The following CTNND2 variants were observed in gnomAD, a reference collection of about 807,000 sequenced individuals.
The protein encoded by CTNND2 is catenin delta-2.
In CTNND2, 22 loss-of-function variants were observed where a neutral mutation model predicts 144.4. That is an observed-to-expected ratio of 0.15 (90% CI 0.11 to 0.22). The LOEUF (loss-of-function observed/expected upper bound fraction) is 0.22. Among genes scored for constraint, CTNND2 ranks in the 10% least tolerant of loss-of-function variants. The pLI, the probability that CTNND2 is intolerant of heterozygous loss-of-function variation, is 1.00. For missense variants in CTNND2, 1,353 were observed against 1,618.8 expected (o/e 0.84, Z 2.82); for synonymous variants, 751 against 695.6 (o/e 1.08, Z -1.25).
intron 9 of CTNND2, among the ~76,000 whole-genome samples, chr5:11,296,127 A>C (rs1247782331): frequency 6.7e-6 from 1 of 149,724 alleles, no homozygotes; most frequent in East Asian, 1.9e-4. Flanking sequence ...AACTCAAACA[A>C]ATTTACAAGA....
At chr5:11,481,355 C>T (rs1768247021) in intron 3 of CTNND2, among the ~76,000 whole-genome samples, 1 of 152,178 alleles carries the variant, frequency 6.6e-6, no homozygotes, top group Non-Finnish European at 1.5e-5. Context: ...CAATCTCACC[C>T]TAATCCTGGC....
intron 1 of CTNND2, among the ~76,000 whole-genome samples, chr5:11,848,712 C>T (rs1283837039): frequency 6.6e-6 from 1 of 152,148 alleles, no homozygotes. Context: ...TAGAGAGCTT[C>T]TATACACATA....
At chr5:11,676,779 C>T (rs1784197114) in intron 2 of CTNND2, among the ~76,000 whole-genome samples, 1 of 152,154 alleles carries the variant, frequency 6.6e-6, no homozygotes, top group Non-Finnish European at 1.5e-5. Flanking sequence ...TTACGTTCTA[C>T]TGCAGTTCTC....
chr5:11,361,951 C>T (rs1756494849), intron 8 of CTNND2, among the ~76,000 whole-genome samples: 1 of 152,202 alleles, frequency 6.6e-6, no homozygotes, highest in African/African-American at 2.4e-5. Flanking sequence ...AAGACCTCCA[C>T]CTGGTGGTCT....
chr5:11,879,362 T>TATATATATATATATATATATACACAC (rs1735847247), intron 1 of CTNND2, among the ~76,000 whole-genome samples: 1 of 137,200 alleles, frequency 7.3e-6, no homozygotes, highest in Non-Finnish European at 1.6e-5. Flanking sequence ...TATATACATA[T>TATATATATATATATATATATACACAC]ACACACACAC....
chr5:11,461,162 G>GT (rs930816940), intron 3 of CTNND2, among the ~76,000 whole-genome samples: 16 of 151,120 alleles, frequency 1.1e-4, no homozygotes, highest in African/African-American at 3.6e-4. Flanking sequence ...CAGGGACTTT[G>GT]TTTTTTTTTA....
chr5:10,975,160 G>A (rs1736292125), intron 21 of CTNND2, among the ~76,000 whole-genome samples: 1 of 152,192 alleles, frequency 6.6e-6, no homozygotes, highest in African/African-American at 2.4e-5. Flanking sequence ...GGACTGCGTT[G>A]CTAGGTTGGG....
At chr5:11,360,164 T>C (rs761656164) in intron 8 of CTNND2, among the ~76,000 whole-genome samples, 8 of 152,114 alleles carry the variant, frequency 5.3e-5, no homozygotes, top group Non-Finnish European at 7.3e-5. Flanking sequence ...GGATTACTTA[T>C]GACAGCTAAG....
chr5:11,730,751 T>C (rs1787345296), intron 2 of CTNND2, among the ~76,000 whole-genome samples: 1 of 152,250 alleles, frequency 6.6e-6, no homozygotes, highest in Non-Finnish European at 1.5e-5. Flanking sequence ...CCATGCCTTT[T>C]TATTCATTCT....
intron 12 of CTNND2, among the ~76,000 whole-genome samples, chr5:11,118,057 G>C (rs557576064): frequency 2.9e-4 from 44 of 152,354 alleles, no homozygotes; most frequent in African/African-American, 9.6e-4. Context: ...ATAGTTAGAG[G>C]TTTCTGTGAC....
At chr5:11,154,335 C>T (rs13358276) in intron 12 of CTNND2, among the ~76,000 whole-genome samples, 54,461 of 152,074 alleles carry the variant, frequency 0.36, 10,463 homozygotes, top group Admixed American at 0.48. Context: ...ATTTCATGGC[C>T]ATCCAGTCAA....
intron 9 of CTNND2, among the ~76,000 whole-genome samples, chr5:11,329,743 C>A (rs1366635237): frequency 2.0e-5 from 3 of 151,968 alleles, no homozygotes; most frequent in Admixed American, 6.6e-5. Flanking sequence ...GAGGCAGAGA[C>A]CCACACTGCC....
At chr5:11,732,529 A>G (rs935835743) in intron 1 of CTNND2, among the ~76,000 whole-genome samples, 1 of 152,194 alleles carries the variant, frequency 6.6e-6, no homozygotes, top group Non-Finnish European at 1.5e-5. Flanking sequence ...TTTGAGGTAA[A>G]TGGGGAAAGA....
intron 10 of CTNND2, among the ~76,000 whole-genome samples, chr5:11,207,546 TTCTC>T (rs1191905326): frequency 1.3e-5 from 2 of 152,270 alleles, no homozygotes; most frequent in Admixed American, 6.5e-5. Context: ...GACACATTCT[TTCTC>T]TCTCACTTCT....
chr5:11,204,079 G>A (rs963537896), intron 10 of CTNND2, among the ~76,000 whole-genome samples: 7 of 152,172 alleles, frequency 4.6e-5, no homozygotes, highest in African/African-American at 1.7e-4. Flanking sequence ...CTGCTTAGCT[G>A]TGCACTTCAG....
At chr5:11,475,984 T>C (rs1046638875) in intron 3 of CTNND2, among the ~76,000 whole-genome samples, 2 of 151,910 alleles carry the variant, frequency 1.3e-5, no homozygotes, top group African/African-American at 4.8e-5. Flanking sequence ...CTTAGCCTCC[T>C]GAGCAGCTGG....
chr5:11,437,614 A>G (rs1763884064), intron 3 of CTNND2, among the ~76,000 whole-genome samples: 5 of 152,202 alleles, frequency 3.3e-5, no homozygotes, highest in Non-Finnish European at 5.9e-5. Flanking sequence ...TAAGGGAAAG[A>G]GCATTTGGGG....
intron 8 of CTNND2, among the ~76,000 whole-genome samples, chr5:11,348,437 C>CAAAAAAAAAAAAAAAAA (rs3034056): frequency 7.8e-5 from 9 of 114,712 alleles, no homozygotes; most frequent in Non-Finnish European, 1.1e-4. Context: ...AAATCAAGGG[C>CAAAAAAAAAAAAAAAAA]AAAAAAAAAA....
intron 11 of CTNND2, among the ~76,000 whole-genome samples, chr5:11,191,958 C>T (rs367589602): frequency 4.6e-5 from 7 of 152,306 alleles, no homozygotes; most frequent in East Asian, 3.9e-4. Context: ...CCAGACACAG[C>T]GGCAAAGCCT....
Sources: gnomAD v4.1 joint callset for allele counts (sites outside exome capture counted in the v4.1 genomes callset) on GRCh38, gnomAD v4.1.1 for gene constraint, MANE v1.5 for transcripts, NCBI Gene and HGNC (gene_info 2026-07-23, HGNC 2026-07-21) for gene names.